Variants in KLRF1 observed in about 807,000 individuals in gnomAD.
The protein encoded by KLRF1 is killer cell lectin-like receptor subfamily F member 1.
KLRF1 carries 27 observed loss-of-function variants against 30.7 expected under a neutral mutation model. The observed-to-expected ratio is 0.88, with a 90% CI of 0.65 to 1.21. The LOEUF (loss-of-function observed/expected upper bound fraction) is 1.21. KLRF1 is among the 50% of genes most tolerant of loss of function. The pLI is 0.00. For missense variants in KLRF1, 246 were observed against 259.3 expected (o/e 0.95, Z 0.35); for synonymous variants, 92 against 89.3 (o/e 1.03, Z -0.17).
the KLRF1 span, among the ~76,000 whole-genome samples, chr12:9,819,218 G>C: frequency 6.6e-6 from 1 of 152,156 alleles, no homozygotes; most frequent in Admixed American, 6.5e-5. Context: ...TTAGATACCA[G>C]GGCTTCCCAG....
At chr12:9,840,577 A>G (rs2121234510) in intron 3 of KLRF1, among the ~76,000 whole-genome samples, 1 of 152,226 alleles carries the variant, frequency 6.6e-6, no homozygotes, top group East Asian at 1.9e-4. Context: ...GGTTGAAAAT[A>G]AAGAAGTTGA....
the KLRF1 span, among the ~76,000 whole-genome samples, chr12:9,818,846 G>A: frequency 1.3e-5 from 2 of 152,206 alleles, no homozygotes; most frequent in Non-Finnish European, 2.9e-5. Context: ...AGCAGCTAGT[G>A]TGTGCTGTTC....
chr12:9,822,418 G>C, the KLRF1 span, among the ~76,000 whole-genome samples: 1 of 152,126 alleles, frequency 6.6e-6, no homozygotes, highest in Admixed American at 6.5e-5. Context: ...AGAACTTGAA[G>C]ACTAGCCCTC....
intron 5 of KLRF1, among the ~76,000 whole-genome samples, chr12:9,843,535 A>G (rs751144820): frequency 6.6e-6 from 1 of 152,294 alleles, no homozygotes; most frequent in Non-Finnish European, 1.5e-5. Context: ...AAAAAACATT[A>G]TTTGGAATGC....
At chr12:9,837,601 A>G (rs896146483) in intron 3 of KLRF1, among the ~76,000 whole-genome samples, 1 of 152,116 alleles carries the variant, frequency 6.6e-6, no homozygotes, top group Non-Finnish European at 1.5e-5. Context: ...GAAACAGCTC[A>G]TTCCCCGGCT....
chr12:9,817,507 G>C, the KLRF1 span: 1 of 399,576 alleles, frequency 2.5e-6, no homozygotes, highest in South Asian at 2.1e-5. Flanking sequence ...CCAGAGTACT[G>C]TTTTGACTTT....
intron 2 of KLRF1, among the ~76,000 whole-genome samples, chr12:9,833,062 T>C (rs1867479052): frequency 6.6e-6 from 1 of 152,136 alleles, no homozygotes; most frequent in Non-Finnish European, 1.5e-5. Context: ...ATTATTGTAT[T>C]ACCAGTTCGT....
chr12:9,842,707 A>G (rs757141018), intron 5 of KLRF1, among the ~76,000 whole-genome samples: 70 of 152,058 alleles, frequency 4.6e-4, no homozygotes, highest in Non-Finnish European at 7.9e-4. Flanking sequence ...AAAGGTCTCA[A>G]TGTTTTCTTT....
At chr12:9,813,747 A>G in the KLRF1 span, among the ~76,000 whole-genome samples, 5 of 152,180 alleles carry the variant, frequency 3.3e-5, no homozygotes, top group African/African-American at 1.2e-4. Context: ...CAGGTAGCTC[A>G]GCTGAAACTG....
Position 9,832,374 on chromosome 12 carries a change from TG to T in KLRF1, c.146del (p.Gly49ValfsTer5), listed in dbSNP as rs757566304. On this transcript the variant is annotated frameshift_variant, in exon 2 of 6. Coordinates refer to ENST00000617889, the MANE Select transcript of KLRF1 (RefSeq NM_016523.3). LOFTEE classifies it high-confidence loss of function. ...ILLGISGTVNGILTLTLISLI... is the reference protein window; with the variant it reads ...ILLGISGTVNXILTLTLISLI... The stretch of plus-strand genomic sequence containing the variant: ...TACTGGGAATATCTGGAACCGTGAA[TG>T]GTATTCTCACTTTGACTTTGATCTC... 1 of 1,610,170 alleles carries T rather than the reference TG, an allele frequency of 6.2e-7. No homozygotes were observed. The highest frequency in any genetic ancestry group is 8.5e-7 in the Non-Finnish European group (1 of 1,176,966).
the KLRF1 span, among the ~76,000 whole-genome samples, chr12:9,815,819 C>T: frequency 6.6e-6 from 1 of 152,166 alleles, no homozygotes; most frequent in Non-Finnish European, 1.5e-5. Context: ...TATTCCTCTT[C>T]TTATTCTTCT....
intron 1 of KLRF1, among the ~76,000 whole-genome samples, chr12:9,829,514 A>C (rs1430329388): frequency 6.6e-6 from 1 of 152,184 alleles, no homozygotes; most frequent in African/African-American, 2.4e-5. Context: ...GCACTTTGGA[A>C]GGCCGAGGCA....
the KLRF1 span, among the ~76,000 whole-genome samples, chr12:9,811,504 C>T: frequency 6.6e-6 from 1 of 151,930 alleles, no homozygotes; most frequent in Admixed American, 6.6e-5. Context: ...ATGCAGAGCC[C>T]GTTATACTCA....
chr12:9,844,277 T>A, intron 5 of KLRF1, 141 bp from the exon 6 acceptor site: 1 of 537,938 alleles, frequency 1.9e-6, no homozygotes, highest in South Asian at 2.1e-5. Flanking sequence ...ACAGTTACTG[T>A]AATCGTTAGT....
At chr12:9,832,165 T>C in intron 1 of KLRF1, 151 bp from the exon 2 acceptor site, 1 of 503,998 alleles carries the variant, frequency 2.0e-6, no homozygotes, top group South Asian at 3.4e-5. Context: ...ATGTATATAT[T>C]TTTCTATTTA....
At chr12:9,818,544 C>A in the KLRF1 span, among the ~76,000 whole-genome samples, 1 of 152,174 alleles carries the variant, frequency 6.6e-6, no homozygotes, top group South Asian at 2.1e-4. Flanking sequence ...GCACTGTAGG[C>A]ATAGAAGGCA....
the KLRF1 span, among the ~76,000 whole-genome samples, chr12:9,813,175 A>C: frequency 6.6e-6 from 1 of 151,104 alleles, no homozygotes; most frequent in Non-Finnish European, 1.5e-5. Context: ...TTATACTTTA[A>C]GTTTTAGGGT....
intron 1 of KLRF1, among the ~76,000 whole-genome samples, chr12:9,831,352 C>T (rs1360502916): frequency 6.6e-6 from 1 of 152,022 alleles, no homozygotes; most frequent in East Asian, 1.9e-4. Context: ...AAATATCATT[C>T]TATAGGGTTC....
chr12:9,834,427 A>T (rs1038969518), intron 3 of KLRF1, among the ~76,000 whole-genome samples: 3 of 152,042 alleles, frequency 2.0e-5, no homozygotes, highest in Non-Finnish European at 1.5e-5. Context: ...TGCGGGGGGT[A>T]GCATGGAGAG....
Sources: gnomAD v4.1 joint callset for allele counts (sites outside exome capture counted in the v4.1 genomes callset) on GRCh38, gnomAD v4.1.1 for gene constraint, MANE v1.5 for transcripts, NCBI Gene and HGNC (gene_info 2026-07-23, HGNC 2026-07-21) for gene names.